LRRC9: variants seen among roughly 807,000 people sequenced by gnomAD.
LRRC9 encodes the protein leucine-rich repeat-containing protein 9.
Under a neutral mutation model 63.2 loss-of-function variants are expected in LRRC9, and 122 were observed. The observed-to-expected ratio is 1.93, with a 90% CI of 1.67 to 2.24. The LOEUF is 2.24. LRRC9 is among the 30% of genes most tolerant of loss of function. The probability of loss-of-function intolerance (pLI) is 0.00; values close to 1 mark genes in which losing one functional copy is unlikely to be tolerated. For synonymous variants in LRRC9, 366 were observed against 213.1 expected (o/e 1.72, Z -6.25); for missense variants, 1,071 against 627.7 (o/e 1.71, Z -7.55).
chr14:59,930,211 T>C lies in LRRC9; in HGVS notation c.268-707T>C, dbSNP rs1412174365. 1.3e-5 allele frequency among the ~76,000 whole-genome samples: 2 copies of C among 152,060 alleles called. No individual in the cohort carries two copies. The highest frequency in any genetic ancestry group is 2.9e-5 in the Non-Finnish European group (2 of 67,948). ...ATAAAATTGGTCCACTTAGACACTA[T>C]TGGCTGTGTTGAAATTATAACATCT... On this transcript the variant is annotated intron_variant, in intron 3 of 31. Transcript: ENST00000445360. This position sits in a 1 kb window ranked among gnomAD's most constrained non-coding sequence, Gnocchi z 4.9.
intron 30 of LRRC9, among the ~76,000 whole-genome samples, chr14:60,055,697 A>G (rs560501397): frequency 1.3e-5 from 2 of 151,172 alleles, no homozygotes; most frequent in South Asian, 4.2e-4. Flanking sequence ...GTTGGAGTGC[A>G]GCCTGGGGAA....
chr14:60,022,771 C>A, exon 27 of LRRC9: 1 of 674,652 alleles, frequency 1.5e-6, no homozygotes, highest in Non-Finnish European at 2.7e-6. Context: ...TCCAATAATG[C>A]ACAGTTTAGA....
At chr14:59,982,200 T>C in intron 16 of LRRC9, 140 bp downstream of exon 16, 2 of 572,784 alleles carry the variant, frequency 3.5e-6, no homozygotes, top group South Asian at 4.9e-5. Flanking sequence ...ATTTCTCTTT[T>C]TCTACTTGGA....
At chr14:59,977,099 C>G (rs988664036) in intron 13 of LRRC9, 126 bp from the exon 14 acceptor site, 25 of 570,706 alleles carry the variant, frequency 4.4e-5, no homozygotes, top group African/African-American at 3.9e-4. Flanking sequence ...CAGTAGCAAA[C>G]AAGAGAGCCA....
intron 29 of LRRC9, among the ~76,000 whole-genome samples, chr14:60,040,877 T>C (rs1446510627): frequency 6.6e-6 from 1 of 151,998 alleles, no homozygotes; most frequent in Non-Finnish European, 1.5e-5. Context: ...CAATTTGGCA[T>C]GTTTTTGCAG....
chr14:59,969,577 AAGGTTGGCAGTATCTAC>A (rs745711069), intron 12 of LRRC9, among the ~76,000 whole-genome samples: 17 of 152,188 alleles, frequency 1.1e-4, no homozygotes, highest in South Asian at 6.2e-4. Flanking sequence ...AGGTTTGGCT[AAGGTTGGCAGTATCTAC>A]AGGCAGAGGG....
chr14:60,038,371 C>G (rs912602940), intron 29 of LRRC9, among the ~76,000 whole-genome samples: 3 of 152,278 alleles, frequency 2.0e-5, no homozygotes, highest in African/African-American at 7.2e-5. Context: ...TGGCCATTTT[C>G]ACAATATTGA....
chr14:60,054,515 G>A (rs1004993904), intron 30 of LRRC9, among the ~76,000 whole-genome samples: 6 of 152,020 alleles, frequency 3.9e-5, no homozygotes, highest in African/African-American at 1.4e-4. Flanking sequence ...ATTTTTAAAA[G>A]CTAGACAGAT....
At chr14:59,955,024 G>A (rs551333312) in intron 8 of LRRC9, among the ~76,000 whole-genome samples, 1 of 152,278 alleles carries the variant, frequency 6.6e-6, no homozygotes, top group East Asian at 1.9e-4. Context: ...ACTTTTTGAT[G>A]TGCTGCTGGA....
chr14:59,933,713 G>C (rs1889897714), intron 6 of LRRC9, among the ~76,000 whole-genome samples: 1 of 152,126 alleles, frequency 6.6e-6, no homozygotes, highest in Admixed American at 6.6e-5. Flanking sequence ...TATTTGATAA[G>C]AACTTTGAAG....
rs1887519336 is a variant in LRRC9 at position 59,986,796 on chromosome 14, G to A, written c.2211+1572G>A. ...TTATTTTCATTATCATAGCCTCACA[G>A]TCTACTTGTTAAATGACTATAACCT... On this transcript the variant is annotated intron_variant, in intron 17 of 31. Transcript: ENST00000445360. This position sits in a 1 kb window ranked among gnomAD's most constrained non-coding sequence, Gnocchi z 4.7. 6.6e-6 allele frequency among the ~76,000 whole-genome samples: 1 copy of A among 152,102 alleles called. No homozygotes were observed. Among genetic ancestry groups the A allele is most frequent in the South Asian group, 2.1e-4 (1 of 4,824 alleles).
chr14:59,923,688 C>T lies in LRRC9; in HGVS notation c.-34+3805C>T, dbSNP rs1444825253. On this transcript the variant is annotated intron_variant, in intron 1 of 31. Transcript: ENST00000445360. This position sits in a 1 kb window ranked among gnomAD's most constrained non-coding sequence, Gnocchi z 4.2. Reference sequence around the variant, plus strand: ...GGCTCACGCCTGTAGGCTCACGCCTCCCAGCACTCTGGGAAGCTGAGGTGG... The same window carrying T: ...GGCTCACGCCTGTAGGCTCACGCCTTCCAGCACTCTGGGAAGCTGAGGTGG... 4.6e-5 allele frequency among the ~76,000 whole-genome samples: 7 copies of T among 152,202 alleles called. No individual in the cohort carries two copies. The highest frequency in any genetic ancestry group is 7.3e-5 in the Non-Finnish European group (5 of 68,038).
At chr14:59,961,949 C>A (rs536751819) in intron 10 of LRRC9, among the ~76,000 whole-genome samples, 1 of 152,030 alleles carries the variant, frequency 6.6e-6, no homozygotes, top group Non-Finnish European at 1.5e-5. Context: ...TGGCACATAA[C>A]CCTGGAGCAT....
At position 59,966,546 on chromosome 14, in the gene LRRC9, C is replaced by A; in HGVS notation, c.1212-43C>A. On this transcript the variant is annotated intron_variant, in intron 10 of 31. Transcript: ENST00000445360. This position sits in a 1 kb window ranked among gnomAD's most constrained non-coding sequence, Gnocchi z 4.0. ...TGTTCTTAAACATTTTAAGGAAAATCTATTATTTTCTTCATGTATATTCTG... is the reference window on the plus strand; with the variant it reads ...TGTTCTTAAACATTTTAAGGAAAATATATTATTTTCTTCATGTATATTCTG... 2 of 517,996 alleles carry A rather than the reference C, an allele frequency of 3.9e-6. No individual in the cohort carries two copies. Among genetic ancestry groups the A allele is most frequent in the South Asian group, 6.5e-5 (2 of 30,806 alleles). The allele number at this position is 517,996 out of a possible 1,614,324, so 32.1% of individuals were successfully genotyped here.
chr14:59,969,780 A>G (rs1411121185), intron 12 of LRRC9, among the ~76,000 whole-genome samples: 1 of 152,188 alleles, frequency 6.6e-6, no homozygotes. Context: ...TTCATTCCCT[A>G]CCGAATATTG....
At position 60,022,900 on chromosome 14, in the gene LRRC9, C is replaced by G. The variant is rs117133618; in HGVS notation, c.3703+30C>G. The G allele has an allele frequency of 3.1e-4, 162 of 518,190 alleles. 1 individual carries two copies. The East Asian group carries it at 4.8e-3, about 15-fold the overall frequency. The allele number at this position is 518,190 out of a possible 1,614,324, so 32.1% of individuals were successfully genotyped here. ...GTAGAAACACTGTTACTGTATAAGT[C>G]TTTATTTTTAAAAACTGATTTTATC... is the stretch of plus-strand genomic sequence containing the variant. On this transcript the variant is annotated intron_variant, in intron 27 of 31. Transcript: ENST00000445360.
chr14:60,059,894 AAG>A (rs1375499930), intron 31 of LRRC9, among the ~76,000 whole-genome samples: 1 of 152,254 alleles, frequency 6.6e-6, no homozygotes, highest in African/African-American at 2.4e-5. Context: ...TACACTAAAA[AAG>A]AGATTTTCAA....
rs146187510 is a variant in LRRC9, at chr14:60,015,714, G to A, written c.3187-946G>A. 2.6e-5 allele frequency among the ~76,000 whole-genome samples: 4 copies of A among 152,274 alleles called. No homozygotes were observed. The East Asian group carries it at 7.7e-4, about 29-fold the overall frequency. On this transcript the variant is annotated intron_variant, in intron 23 of 31. Coordinates refer to ENST00000445360, the Ensembl canonical transcript of LRRC9. ...GATAACTCATTATTACTGGGTGGAAGTGGGAATCCAAACTCCCCATGTTAT... is the reference window on the plus strand; with the variant it reads ...GATAACTCATTATTACTGGGTGGAAATGGGAATCCAAACTCCCCATGTTAT...
intron 29 of LRRC9, among the ~76,000 whole-genome samples, chr14:60,045,051 C>CTTTTTTTT (rs200934262): frequency 1.7e-5 from 2 of 118,900 alleles, no homozygotes; most frequent in African/African-American, 6.1e-5. Flanking sequence ...CTTTCCTTGT[C>CTTTTTTTT]TTTTTTTTTT....
Sources: allele counts gnomAD v4.1 joint callset (sites outside exome capture counted in the v4.1 genomes callset), GRCh38; gene constraint gnomAD v4.1.1; non-coding constraint Gnocchi (gnomAD v3.1); transcripts MANE v1.5; gene names NCBI Gene and HGNC (gene_info 2026-07-23, HGNC 2026-07-21).